The following PCDHA9 variants were observed in gnomAD, a reference collection of about 807,000 sequenced individuals.
The protein encoded by PCDHA9 is protocadherin alpha-9.
Under a neutral mutation model 62.0 loss-of-function variants are expected in PCDHA9, and 62 were observed. That is an observed-to-expected ratio of 1.00 (90% confidence interval 0.81 to 1.23). The LOEUF (loss-of-function observed/expected upper bound fraction) is 1.23. Among genes scored for constraint, PCDHA9 ranks in the 50% most tolerant of loss-of-function variants. The pLI, the probability that PCDHA9 is intolerant of heterozygous loss-of-function variation, is 0.00. For missense variants in PCDHA9, 1,205 were observed against 1,249.8 expected, an observed-to-expected ratio of 0.96 and a Z score of 0.54; for synonymous variants, 557 against 567.6, an observed-to-expected ratio of 0.98 and a Z score of 0.27.
chr5:140,888,754 C>CT lies in PCDHA9; in HGVS notation c.2394+37875dup, dbSNP rs782694187. Reference sequence around the variant, plus strand: ...TGAGCTCTAGGAATTATTCTACCCACTTTTTTTTTTAATTTTGAAGGGATA... The same window carrying CT: ...TGAGCTCTAGGAATTATTCTACCCACTTTTTTTTTTTAATTTTGAAGGGATA... On this transcript the variant is annotated intron_variant, in intron 1 of 3. Transcript: ENST00000532602. 7.0e-3 allele frequency among the ~76,000 whole-genome samples: 1,040 copies of CT among 148,666 alleles called. 3 individuals are homozygous for CT. The highest frequency in any genetic ancestry group is 0.038 in the Middle Eastern group (11 of 290).
chr5:140,868,857 T>A (rs2050685848), intron 1 of PCDHA9: 1 of 499,740 alleles, frequency 2.0e-6, no homozygotes, highest in Admixed American at 3.8e-5. Context: ...TCTGTGGTGG[T>A]AAATGCAGTG....
chr5:140,981,981 A>G (rs2096960839), intron 2 of PCDHA9, among the ~76,000 whole-genome samples: 1 of 152,208 alleles, frequency 6.6e-6, no homozygotes, highest in Non-Finnish European at 1.5e-5. Flanking sequence ...GAAAGAGTAA[A>G]ATAGAAAATA....
intron 1 of PCDHA9, among the ~76,000 whole-genome samples, chr5:140,855,676 T>G (rs1325964352): frequency 1.3e-5 from 2 of 149,550 alleles, no homozygotes; most frequent in Non-Finnish European, 3.0e-5. Context: ...ACTCTGAGAG[T>G]CTACATTTAA....
In PCDHA9 at chr5:140,849,950, G is replaced by A. The variant is rs2150459734; in HGVS notation, c.1455G>A (p.Gln485=). The A allele has an allele frequency of 1.4e-5, 22 of 1,598,026 alleles. 5 individuals carry two copies. In the African/African-American group the frequency reaches 2.5e-4, roughly 19 times the overall value. ...TGTCTGCGCGGGACGCTGACGCGCA[G>A]GAGAACGCCCTGGTGTCCTACTCGC... The part of the protein sequence containing the change: ...FTVSARDADA[Q]ENALVSYSLV... The change falls in exon 1 of 4, where the codon CAG becomes CAA. Residue 485 remains glutamine, a synonymous_variant. Transcript: ENST00000532602.
chr5:140,927,907 G>T, intron 1 of PCDHA9: 1 of 1,614,156 alleles, frequency 6.2e-7, no homozygotes, highest in Non-Finnish European at 8.5e-7. Context: ...TCATGCCCCC[G>T]AACTGGACTT....
At chr5:140,865,343 A>T (rs1386264377) in intron 1 of PCDHA9, 1 of 152,216 alleles carries the variant, frequency 6.6e-6, no homozygotes, top group Non-Finnish European at 1.5e-5. Flanking sequence ...AAGAAATAGT[A>T]TATTTACATA....
intron 1 of PCDHA9, chr5:140,852,001 C>G (rs2042214693): frequency 1.0e-6 from 1 of 975,480 alleles, no homozygotes; most frequent in East Asian, 1.1e-4. Context: ...TGTTTGTTTT[C>G]TAATTTATAG....
At chr5:140,927,095 TG>T in intron 1 of PCDHA9, 1 of 1,612,210 alleles carries the variant, frequency 6.2e-7, no homozygotes, top group Non-Finnish European at 8.5e-7. Flanking sequence ...TACTTCGGGG[TG>T]GATCTACCCA....
In PCDHA9 at chr5:140,993,460, TCTCACACA is replaced by T. The variant is rs782648313; in HGVS notation, c.2542+10899_2542+10906del. Among the ~76,000 whole-genome samples, 169 of 104,562 alleles carry T rather than the reference TCTCACACA, an allele frequency of 1.6e-3. 1 individual carries two copies. Among genetic ancestry groups the T allele is most frequent in the East Asian group, 0.012 (43 of 3,448 alleles). 68.6% of individuals were successfully genotyped at this position (104,562 alleles called of 152,430 possible). On this transcript the variant is annotated intron_variant, in intron 3 of 3. Coordinates refer to ENST00000532602, the MANE Select transcript of PCDHA9 (RefSeq NM_031857.2). ...TTCATTCCTGTTCTCCTTCTTTCTT[TCTCACACA>T]CACACACACACACACACACACACAC...
intron 1 of PCDHA9, chr5:140,882,409 C>A: frequency 6.2e-7 from 1 of 1,614,158 alleles, no homozygotes; most frequent in Non-Finnish European, 8.5e-7. Flanking sequence ...TCGTGGGCCG[C>A]ATCGCTCAGG....
rs146587864 is a variant in PCDHA9 at position 140,950,030 on chromosome 5, A to G, written c.2395-28919A>G. Among the ~76,000 whole-genome samples the G allele has an allele frequency of 2.6e-4, 39 of 152,064 alleles. 1 individual carries two copies. The East Asian group carries it at 4.8e-3, about 19-fold the overall frequency. On this transcript the variant is annotated intron_variant, in intron 1 of 3. Transcript: ENST00000532602. ...TGTACAACCTTCATAAAATATAGAA[A>G]AGTTACAACCATATAAGACTATTTA...
At chr5:140,863,723 G>A (rs1013591731) in intron 1 of PCDHA9, 3 of 271,432 alleles carry the variant, frequency 1.1e-5, no homozygotes, top group African/African-American at 4.4e-5. Context: ...GGCCGGGTGC[G>A]GTAGCTCATG....
At chr5:140,942,332 C>T (rs2093271266) in intron 1 of PCDHA9, among the ~76,000 whole-genome samples, 1 of 151,760 alleles carries the variant, frequency 6.6e-6, no homozygotes, top group Non-Finnish European at 1.5e-5. Flanking sequence ...ATCACTTGAA[C>T]CAGAGGGAGG....
At chr5:140,869,022 C>G in intron 1 of PCDHA9, 1 of 1,525,610 alleles carries the variant, frequency 6.6e-7, no homozygotes, top group African/African-American at 1.4e-5. Flanking sequence ...CTTAAGAATT[C>G]AACGAGATTT....
At chr5:140,891,410 A>G (rs1381375342) in intron 1 of PCDHA9, among the ~76,000 whole-genome samples, 1 of 130,438 alleles carries the variant, frequency 7.7e-6, no homozygotes, top group East Asian at 2.5e-4. Context: ...GCCACCCCCC[A>G]CTCTTGCCCC....
At chr5:140,967,014 G>T in intron 1 of PCDHA9, 1 of 1,606,958 alleles carries the variant, frequency 6.2e-7, no homozygotes, top group Non-Finnish European at 8.5e-7. Flanking sequence ...AACCATCTGG[G>T]TGCGCCCAGT....
intron 1 of PCDHA9, among the ~76,000 whole-genome samples, chr5:140,955,987 A>T (rs1185683030): frequency 6.6e-6 from 1 of 152,198 alleles, no homozygotes; most frequent in Non-Finnish European, 1.5e-5. Context: ...CAATTTTTGC[A>T]CATTGATTTT....
At chr5:140,968,473 G>A in intron 1 of PCDHA9, 1 of 1,614,098 alleles carries the variant, frequency 6.2e-7, no homozygotes. Flanking sequence ...ACGTATATGT[G>A]GTGGACATGA....
chr5:140,978,806 C>G (rs1554239758), intron 1 of PCDHA9, 143 bp from the exon 2 acceptor site: 2 of 1,492,474 alleles, frequency 1.3e-6, no homozygotes, highest in Non-Finnish European at 1.8e-6. Context: ...TAGATATCAT[C>G]ATAGAGTTAC....
Sources: allele counts gnomAD v4.1 joint callset (sites outside exome capture counted in the v4.1 genomes callset), GRCh38; gene constraint gnomAD v4.1.1; transcripts MANE v1.5; gene names NCBI Gene and HGNC (gene_info 2026-07-23, HGNC 2026-07-21).